The following YAP1 variants were observed in gnomAD, a reference collection of about 807,000 sequenced individuals.
YAP1 encodes the protein Yes1 associated transcriptional regulator.
A neutral mutation model predicts 56.9 loss-of-function variants in YAP1; 5 were observed. The ratio of observed to expected loss-of-function variants is 0.09; its 90% CI spans 0.05 to 0.18. The LOEUF is 0.18. Among genes scored for constraint, YAP1 ranks in the 10% least tolerant of loss-of-function variants. The pLI is 1.00. For synonymous variants in YAP1, 265 were observed against 248.1 expected, an observed-to-expected ratio of 1.07 and a Z score of -0.64; for missense variants, 539 against 651.8, an observed-to-expected ratio of 0.83 and a Z score of 1.88.
chr11:102,215,373 G>A (rs184626137), intron 6 of YAP1, among the ~76,000 whole-genome samples: 5 of 151,984 alleles, frequency 3.3e-5, no homozygotes, highest in Admixed American at 2.6e-4. Flanking sequence ...ATATATTATC[G>A]AAAAAAGACA....
Position 102,231,485 on chromosome 11 carries a change from A to T in YAP1, c.*1545A>T, listed in dbSNP as rs1020700791. On this transcript the variant is annotated 3_prime_UTR_variant, in exon 9 of 9. Coordinates refer to ENST00000282441, the MANE Select transcript of YAP1 (RefSeq NM_001130145.3). ...TAGCTGGAAAAGTGATCAGATTAAT[A>T]AATGTATATTGGTAGTTGAATTTAG... 1.9e-4 allele frequency: 29 copies of T among 152,648 alleles called. No homozygotes were observed. Among genetic ancestry groups the T allele is most frequent in the African/African-American group, 6.8e-4 (28 of 41,468 alleles). 9.5% of individuals were successfully genotyped at this position (152,648 alleles called of 1,614,324 possible).
At chr11:102,178,466 T>C (rs1221037985) in intron 3 of YAP1, among the ~76,000 whole-genome samples, 1 of 152,190 alleles carries the variant, frequency 6.6e-6, no homozygotes. Flanking sequence ...CAAATGGTTT[T>C]AGTTAGTCAT....
intron 6 of YAP1, among the ~76,000 whole-genome samples, chr11:102,212,744 G>A (rs1949469181): frequency 6.6e-6 from 1 of 152,074 alleles, no homozygotes; most frequent in Non-Finnish European, 1.5e-5. Context: ...ACCATGCCCG[G>A]CTAATTTTGT....
At chr11:102,181,062 A>G (rs116566029) in intron 3 of YAP1, among the ~76,000 whole-genome samples, 6,664 of 151,442 alleles carry the variant, frequency 0.044, 497 homozygotes, top group African/African-American at 0.15. Flanking sequence ...GCAGGAGGTC[A>G]CTTGAGCCCA....
chr11:102,205,567 C>T (rs981993641), intron 4 of YAP1, among the ~76,000 whole-genome samples: 1 of 151,968 alleles, frequency 6.6e-6, no homozygotes, highest in Admixed American at 6.6e-5. Context: ...TATTCACCCC[C>T]GCTCCCTTCC....
intron 2 of YAP1, among the ~76,000 whole-genome samples, 177 bp from the exon 3 acceptor site, chr11:102,162,279 G>C (rs1029767469): frequency 1.3e-5 from 2 of 152,164 alleles, no homozygotes; most frequent in African/African-American, 4.8e-5. Context: ...TGAAAGTTGA[G>C]TGATTTAAGG....
At chr11:102,224,017 C>A (rs1031025891) in intron 7 of YAP1, among the ~76,000 whole-genome samples, 1 of 152,192 alleles carries the variant, frequency 6.6e-6, no homozygotes, top group African/African-American at 2.4e-5. Flanking sequence ...TGTTGACTAA[C>A]AGTTACTTAA....
chr11:102,191,173 C>CA (rs57596742), intron 4 of YAP1, among the ~76,000 whole-genome samples: 4 of 146,396 alleles, frequency 2.7e-5, no homozygotes, highest in African/African-American at 7.5e-5. Flanking sequence ...GACTCCATCT[C>CA]AAAAAAAAAA....
chr11:102,122,798 G>T (rs933146615), intron 2 of YAP1, among the ~76,000 whole-genome samples: 6 of 149,682 alleles, frequency 4.0e-5, no homozygotes, highest in African/African-American at 1.5e-4. Context: ...GGAGGCAGAG[G>T]CAGGATAATC....
chr11:102,181,419 C>T (rs184405939), intron 3 of YAP1, among the ~76,000 whole-genome samples: 2 of 152,204 alleles, frequency 1.3e-5, no homozygotes, highest in East Asian at 3.9e-4. Context: ...GCACTCCAGC[C>T]TGGGTGGCAG....
chr11:102,115,338 G>A (rs752775993), intron 2 of YAP1, among the ~76,000 whole-genome samples: 2 of 152,062 alleles, frequency 1.3e-5, no homozygotes, highest in Non-Finnish European at 2.9e-5. Flanking sequence ...GTTTTGATTC[G>A]GATAGGTCTT....
intron 2 of YAP1, among the ~76,000 whole-genome samples, chr11:102,159,265 C>T (rs913039143): frequency 2.0e-5 from 3 of 152,122 alleles, no homozygotes; most frequent in Admixed American, 2.0e-4. Flanking sequence ...CCCAGCCAGC[C>T]AGCAGGTACC....
chr11:102,132,905 T>A (rs1944451994), intron 2 of YAP1, among the ~76,000 whole-genome samples: 1 of 152,214 alleles, frequency 6.6e-6, no homozygotes, highest in Non-Finnish European at 1.5e-5. Context: ...ATGCCTGTAA[T>A]CCCAGCGCTT....
intron 3 of YAP1, among the ~76,000 whole-genome samples, chr11:102,167,385 T>C (rs1277730355): frequency 6.6e-6 from 1 of 152,192 alleles, no homozygotes; most frequent in Admixed American, 6.6e-5. Flanking sequence ...AATGTATAAA[T>C]ATATGTATAA....
chr11:102,112,123 TAACAC>T (rs1942972166), intron 1 of YAP1, among the ~76,000 whole-genome samples: 2 of 152,234 alleles, frequency 1.3e-5, no homozygotes, highest in Non-Finnish European at 2.9e-5. Context: ...ACCGAGGTTT[TAACAC>T]AAGCCTTTGA....
rs140546191 is a variant in YAP1, at chr11:102,183,702, CTGTGTGTGTG to C, written c.689-2288_689-2279del. Among the ~76,000 whole-genome samples, 126 of 141,808 alleles carry C rather than the reference CTGTGTGTGTG, an allele frequency of 8.9e-4. 2 individuals carry two copies. Among genetic ancestry groups the C allele is most frequent in the African/African-American group, 2.6e-3 (99 of 37,706 alleles). The allele number at this position is 141,808 out of a possible 152,430, so 93.0% of individuals were successfully genotyped here. ...GCTAAGGTGGGGAATAATGCTGTTT[CTGTGTGTGTG>C]TGTGTGTGTGTGTGTGTGTGTGTGT... On this transcript the variant is annotated intron_variant, in intron 3 of 8. Transcript: ENST00000282441.
chr11:102,150,723 A>G (rs569630080), intron 2 of YAP1, among the ~76,000 whole-genome samples: 50 of 151,962 alleles, frequency 3.3e-4, no homozygotes, highest in Non-Finnish European at 6.3e-4. Context: ...ATATTGTCAT[A>G]TTAAGAATAT....
chr11:102,145,994 A>T (rs930430886), intron 2 of YAP1, among the ~76,000 whole-genome samples: 5 of 152,240 alleles, frequency 3.3e-5, no homozygotes, highest in Admixed American at 6.5e-5. Flanking sequence ...GTAAAGATAG[A>T]TCATTTGATC....
intron 2 of YAP1, among the ~76,000 whole-genome samples, chr11:102,137,974 G>A (rs191749262): frequency 4.6e-5 from 7 of 151,914 alleles, no homozygotes; most frequent in African/African-American, 9.7e-5. Context: ...TGCAGCCTCC[G>A]CCTCCCGAGT....
Sources: allele counts gnomAD v4.1 joint callset (sites outside exome capture counted in the v4.1 genomes callset), GRCh38; gene constraint gnomAD v4.1.1; transcripts MANE v1.5; gene names NCBI Gene and HGNC (gene_info 2026-07-23, HGNC 2026-07-21).